GCM1: variants seen among roughly 807,000 people sequenced by gnomAD.
GCM1 encodes the protein GCM transcription factor 1.
A neutral mutation model predicts 25.7 loss-of-function variants in GCM1; 2 were observed. The ratio of observed to expected loss-of-function variants is 0.08; its 90% CI spans 0.03 to 0.24. GCM1 has a LOEUF of 0.24. Among genes scored for constraint, GCM1 ranks in the 10% least tolerant of loss-of-function variants. GCM1 has a pLI of 1.00. For missense variants in GCM1, 395 were observed against 538.7 expected, an observed-to-expected ratio of 0.73 and a Z score of 2.64; for synonymous variants, 183 against 195.7, an observed-to-expected ratio of 0.94 and a Z score of 0.54.
intron 2 of GCM1, among the ~76,000 whole-genome samples, chr6:53,138,934 C>A (rs918412742): frequency 1.3e-5 from 2 of 152,132 alleles, no homozygotes; most frequent in African/African-American, 4.8e-5. Flanking sequence ...CAGAGGTTAT[C>A]TGAAGAAATG....
At chr6:53,130,761 G>A (rs764230553) in intron 5 of GCM1, 42 bp downstream of exon 5, 1 of 1,565,658 alleles carries the variant, frequency 6.4e-7, no homozygotes, top group Non-Finnish European at 8.7e-7. Context: ...CACAGGCGTG[G>A]CAAGCTACTG....
intron 2 of GCM1, among the ~76,000 whole-genome samples, chr6:53,143,798 G>T (rs148387486): frequency 2.2e-5 from 3 of 138,838 alleles, no homozygotes; most frequent in Middle Eastern, 3.6e-3. Context: ...CAAGATCTAC[G>T]AAGAGAGGAT....
intron 2 of GCM1, among the ~76,000 whole-genome samples, chr6:53,134,704 G>A (rs2127508845): frequency 6.6e-6 from 1 of 152,334 alleles, no homozygotes; most frequent in Non-Finnish European, 1.5e-5. Flanking sequence ...GTGGTAGGGT[G>A]TGCCTGCAGT....
intron 4 of GCM1, among the ~76,000 whole-genome samples, chr6:53,131,455 T>C (rs915327924): frequency 2.0e-5 from 3 of 152,136 alleles, no homozygotes; most frequent in African/African-American, 7.2e-5. Flanking sequence ...TCAGCCACGG[T>C]GAGAATATTT....
chr6:53,132,818 A>G (rs987650087), intron 3 of GCM1, among the ~76,000 whole-genome samples: 1 of 152,206 alleles, frequency 6.6e-6, no homozygotes, highest in African/African-American at 2.4e-5. Context: ...CAGAGGTGTA[A>G]ATGACTGATA....
Position 53,133,383 on chromosome 6 carries a change from G to A in GCM1, c.328+689C>T, listed in dbSNP as rs146998113. 9.2e-5 allele frequency among the ~76,000 whole-genome samples: 14 copies of A among 151,980 alleles called. No homozygotes were observed. The East Asian group carries it at 2.5e-3, about 27-fold the overall frequency. On this transcript the variant is annotated intron_variant, in intron 3 of 5. Transcript: ENST00000259803. ...TGTTTGTGTGTTTTAGTAGAGATGGGTCTTCACCATATTGGGCAGGCTGGT... is the reference window on the plus strand; with the variant it reads ...TGTTTGTGTGTTTTAGTAGAGATGGATCTTCACCATATTGGGCAGGCTGGT...
chr6:53,147,866 C>G (rs993789757), intron 1 of GCM1, among the ~76,000 whole-genome samples: 1 of 152,074 alleles, frequency 6.6e-6, no homozygotes, highest in African/African-American at 2.4e-5. Flanking sequence ...TGTGTGTGCT[C>G]TAGATGTCCA....
In GCM1 at chr6:53,129,964, T is replaced by C. The variant is rs1763701477; in HGVS notation, c.570+839A>G. 2.6e-5 allele frequency among the ~76,000 whole-genome samples: 4 copies of C among 152,188 alleles called. No homozygotes were observed. In the South Asian group the frequency reaches 8.3e-4, roughly 31 times the overall value. ...GTAAAACTACTAGCTGTTAAGGGGA[T>C]ACTTTTAGGGGGTAGAGAAAAAGGG... On this transcript the variant is annotated intron_variant, in intron 5 of 5. Transcript: ENST00000259803.
At position 53,143,533 on chromosome 6, in the gene GCM1, G is replaced by A. The variant is rs377028451; in HGVS notation, c.75+2025C>T. On this transcript the variant is annotated intron_variant, in intron 2 of 5. Coordinates refer to ENST00000259803, the MANE Select transcript of GCM1 (RefSeq NM_003643.4). Reference sequence around the variant, plus strand: ...TCTGTTTACTTCAACTCTTGATTTCGTGTCTCTCCAACTTCTATTTGGGTG... The same window carrying A: ...TCTGTTTACTTCAACTCTTGATTTCATGTCTCTCCAACTTCTATTTGGGTG... Among the ~76,000 whole-genome samples, 78 of 152,210 alleles carry A rather than the reference G, an allele frequency of 5.1e-4. 2 individuals are homozygous for A. Among genetic ancestry groups the A allele is most frequent in the African/African-American group, 1.8e-3 (73 of 41,552 alleles).
chr6:53,139,266 C>A (rs911923402), intron 2 of GCM1, among the ~76,000 whole-genome samples: 1 of 152,034 alleles, frequency 6.6e-6, no homozygotes, highest in Non-Finnish European at 1.5e-5. Context: ...TTACATACAA[C>A]TTTTCAGGAA....
chr6:53,137,836 C>T (rs1242118894), intron 2 of GCM1, among the ~76,000 whole-genome samples: 5 of 152,238 alleles, frequency 3.3e-5, no homozygotes, highest in African/African-American at 1.2e-4. Flanking sequence ...TCCCATGAAC[C>T]AGAAGGAGCG....
intron 2 of GCM1, among the ~76,000 whole-genome samples, chr6:53,138,450 A>C (rs1763830979): frequency 6.6e-6 from 1 of 152,108 alleles, no homozygotes; most frequent in Non-Finnish European, 1.5e-5. Flanking sequence ...TGAAATTAAG[A>C]GAAAACCCAG....
In GCM1 at chr6:53,128,028, C is replaced by CAAAAAAAAAAAAAAAAAAA. The variant is rs1223691364; in HGVS notation, c.*159_*177dup. 3.2e-4 allele frequency: 21 copies of CAAAAAAAAAAAAAAAAAAA among 66,434 alleles called. No homozygotes were observed. The highest frequency in any genetic ancestry group is 5.3e-4 in the African/African-American group (5 of 9,520). The allele number at this position is 66,434 out of a possible 1,614,324, so 4.1% of individuals were successfully genotyped here. A position where few individuals can be genotyped will look rare whatever the true frequency, so the allele number is the denominator to read the frequency against. On this transcript the variant is annotated 3_prime_UTR_variant, in exon 6 of 6. Coordinates refer to ENST00000259803, the MANE Select transcript of GCM1 (RefSeq NM_003643.4). ...TGGGCAAAAGAGCAAGACTCTGTCT[C>CAAAAAAAAAAAAAAAAAAA]AAAAAAAAAAAAAAAAAAAAAAAAA... is the stretch of plus-strand genomic sequence containing the variant.
At chr6:53,137,429 A>G (rs1166462197) in intron 2 of GCM1, among the ~76,000 whole-genome samples, 1 of 152,228 alleles carries the variant, frequency 6.6e-6, no homozygotes, top group Admixed American at 6.5e-5. Context: ...TGTCACAGAA[A>G]TGCCATAGAA....
At chr6:53,143,892 A>T (rs1305346038) in intron 2 of GCM1, among the ~76,000 whole-genome samples, 2 of 152,112 alleles carry the variant, frequency 1.3e-5, no homozygotes, top group Non-Finnish European at 2.9e-5. Flanking sequence ...AACAAAAGGA[A>T]GTCTTCGTTA....
chr6:53,130,791 A>T lies in GCM1; in HGVS notation c.570+12T>A. ...CTACTGCATGTATTGAACATACATA[A>T]TGAAGGATTACCCTGGTCTCTGTGC... On this transcript the variant is annotated intron_variant, in intron 5 of 5. Coordinates refer to ENST00000259803, the MANE Select transcript of GCM1 (RefSeq NM_003643.4). The T allele has an allele frequency of 6.2e-7, 1 of 1,612,214 alleles. No individual in the cohort carries two copies. The highest frequency in any genetic ancestry group is 8.5e-7 in the Non-Finnish European group (1 of 1,178,880).
chr6:53,134,781 A>C (rs1763773895), intron 2 of GCM1, among the ~76,000 whole-genome samples: 1 of 152,244 alleles, frequency 6.6e-6, no homozygotes, highest in African/African-American at 2.4e-5. Context: ...CAGCCTGGGC[A>C]ACACAGCAAG....
At chr6:53,129,315 G>A (rs1319792728) in intron 5 of GCM1, among the ~76,000 whole-genome samples, 1 of 147,992 alleles carries the variant, frequency 6.8e-6, no homozygotes, top group African/African-American at 2.5e-5. Flanking sequence ...CTGTTGCCCA[G>A]CCAGGCTGGA....
rs765311065 is a variant in GCM1, at chr6:53,128,511, G to T, written c.1006C>A (p.Pro336Thr). 27 of 1,614,084 alleles carry T rather than the reference G, an allele frequency of 1.7e-5. No homozygotes were observed. The South Asian group carries it at 2.9e-4, about 17-fold the overall frequency. The change falls in exon 6 of 6, where the codon CCC (proline) becomes ACC (threonine). Residue 336 changes from proline to threonine, a missense_variant. Coordinates refer to ENST00000259803, the MANE Select transcript of GCM1 (RefSeq NM_003643.4). ...SFSPSQNSSE[P>T]FYQQLPLEPP... ...TCCAATGGAAGCTGCTGGTAAAAGG[G>T]TTCTGAAGAGTTTTGGGAAGGAGAG... is the stretch of plus-strand genomic sequence containing the variant.
Sources: allele counts gnomAD v4.1 joint callset (sites outside exome capture counted in the v4.1 genomes callset), GRCh38; gene constraint gnomAD v4.1.1; transcripts MANE v1.5; gene names NCBI Gene and HGNC (gene_info 2026-07-23, HGNC 2026-07-21).